PCDH7: variants seen among roughly 807,000 people sequenced by gnomAD.
PCDH7 encodes protocadherin 7.
A neutral mutation model predicts 58.9 loss-of-function variants in PCDH7; 17 were observed. That is an observed-to-expected ratio of 0.29 (90% CI 0.20 to 0.43). The LOEUF is 0.43. Among genes scored for constraint, PCDH7 ranks in the 20% least tolerant of loss-of-function variants. The pLI is 1.00. For missense variants in PCDH7, 1,274 were observed against 1,441.0 expected, an observed-to-expected ratio of 0.88 and a Z score of 1.88; for synonymous variants, 664 against 616.4, an observed-to-expected ratio of 1.08 and a Z score of -1.14.
Position 30,721,970 on chromosome 4 carries a change from T to G in PCDH7, c.548T>G (p.Leu183Arg). The G allele has an allele frequency of 4.3e-6, 6 of 1,407,150 alleles. No individual in the cohort carries two copies. The highest frequency in any genetic ancestry group is 2.9e-5 in the Admixed American group (1 of 34,716). The allele number at this position is 1,407,150 out of a possible 1,614,324, so 87.2% of individuals were successfully genotyped here. A position where few individuals can be genotyped will look rare whatever the true frequency, so the allele number is the denominator to read the frequency against. ...AACGGCATCGAGCGCTACGAGCTGC[T>G]CCAGGAGCCCGGAGGCGGCGGCAGC... is the stretch of plus-strand genomic sequence containing the variant. Residue 183 changes from leucine (L) to arginine (R), a missense_variant, in exon 1 of 2, where the codon CTC (leucine) becomes CGC (arginine). By Grantham distance (102) the Leu-to-Arg change is moderately radical. Around this residue, in one of 3 missense-constraint regions of PCDH7, gnomAD observed 331 missense variants for 303.2 expected, o/e 1.09. Coordinates refer to ENST00000361762, the Ensembl canonical transcript of PCDH7. The surrounding 1 kb of genome is among the most constrained non-coding windows in gnomAD (Gnocchi z 6.7).
chr4:30,905,989 A>C (rs1740869878), intron 1 of PCDH7, among the ~76,000 whole-genome samples: 1 of 152,202 alleles, frequency 6.6e-6, no homozygotes, highest in African/African-American at 2.4e-5. Context: ...ACATATTCCA[A>C]GGAACTTATC....
chr4:31,004,407 T>C (rs1450688633), intron 3 of PCDH7, among the ~76,000 whole-genome samples: 1 of 152,056 alleles, frequency 6.6e-6, no homozygotes, highest in African/African-American at 2.4e-5. Flanking sequence ...GGAGTGAGAC[T>C]GATCAATAAG....
chr4:30,915,680 C>T (rs535830755), intron 1 of PCDH7, among the ~76,000 whole-genome samples: 5 of 152,188 alleles, frequency 3.3e-5, no homozygotes, highest in East Asian at 3.9e-4. Context: ...TGTACCACCA[C>T]GTCCAGCTAA....
rs1474923259 is a variant in PCDH7 at position 30,723,185 on chromosome 4, C to T, written c.1763C>T (p.Ser588Phe). ...GGGATCTTTGCCATCGATCCCGATT[C>T]TGGGGACATCCTGGTCAATACCGTG... is the stretch of plus-strand genomic sequence containing the variant. Residue 588 changes from serine (S) to phenylalanine (F), a missense_variant, in exon 1 of 2, where the codon TCT becomes TTT. Ser to Phe is a radical substitution (Grantham distance 155, BLOSUM62 -2). Coordinates refer to ENST00000361762, the Ensembl canonical transcript of PCDH7. The surrounding 1 kb of genome is among the most constrained non-coding windows in gnomAD (Gnocchi z 4.6). 6.2e-7 allele frequency: 1 copy of T among 1,614,008 alleles called. No homozygotes were observed. The highest frequency in any genetic ancestry group is 2.2e-5 in the East Asian group (1 of 44,876).
At chr4:30,779,912 T>C (rs1235787665) in intron 1 of PCDH7, among the ~76,000 whole-genome samples, 1 of 152,188 alleles carries the variant, frequency 6.6e-6, no homozygotes, top group Non-Finnish European at 1.5e-5. Context: ...TAGCATCTAG[T>C]CTCTGTTTCT....
intron 3 of PCDH7, among the ~76,000 whole-genome samples, chr4:31,101,881 A>G (rs1285198989): frequency 6.6e-6 from 1 of 152,190 alleles, no homozygotes; most frequent in Non-Finnish European, 1.5e-5. Context: ...ATATGGATGA[A>G]CCAAGCATAA....
intron 1 of PCDH7, among the ~76,000 whole-genome samples, chr4:30,828,245 AG>A (rs1729343079): frequency 7.1e-6 from 1 of 139,864 alleles, no homozygotes; most frequent in Non-Finnish European, 1.5e-5. Flanking sequence ...CCCTTAGTAA[AG>A]GAAAAAAAAA....
At chr4:30,764,472 A>G (rs7678373) in intron 1 of PCDH7, among the ~76,000 whole-genome samples, 2,145 of 152,152 alleles carry the variant, frequency 0.014, 47 homozygotes, top group African/African-American at 0.049. Flanking sequence ...TTATCCCAAG[A>G]TATTTATTTA....
chr4:30,945,272 A>G (rs765731944), intron 2 of PCDH7, among the ~76,000 whole-genome samples: 1 of 152,068 alleles, frequency 6.6e-6, no homozygotes, highest in Non-Finnish European at 1.5e-5. Flanking sequence ...CATGTATATT[A>G]TCTCAAATCC....
chr4:30,764,938 C>T (rs1421352269), intron 1 of PCDH7, among the ~76,000 whole-genome samples: 1 of 151,924 alleles, frequency 6.6e-6, no homozygotes, highest in Non-Finnish European at 1.5e-5. Context: ...TCAGGATGGT[C>T]TCTATCTCCT....
chr4:31,021,125 A>C (rs1753986029), intron 3 of PCDH7, among the ~76,000 whole-genome samples: 1 of 152,238 alleles, frequency 6.6e-6, no homozygotes. Context: ...ATGGGAAAAG[A>C]AAACATAAGT....
intron 3 of PCDH7, among the ~76,000 whole-genome samples, chr4:30,978,120 C>G (rs192183291): frequency 6.6e-6 from 1 of 152,106 alleles, no homozygotes; most frequent in African/African-American, 2.4e-5. Context: ...GAGGAACATT[C>G]TGTTAAAAAT....
At chr4:30,953,742 T>G (rs1747580375) in intron 3 of PCDH7, among the ~76,000 whole-genome samples, 1 of 152,158 alleles carries the variant, frequency 6.6e-6, no homozygotes, top group Admixed American at 6.5e-5. Context: ...TTTTACTTTG[T>G]AATTTAATAC....
intron 1 of PCDH7, among the ~76,000 whole-genome samples, chr4:30,818,606 T>C (rs970605409): frequency 2.0e-5 from 3 of 152,206 alleles, no homozygotes; most frequent in African/African-American, 7.2e-5. Context: ...CCCTCAGATT[T>C]GCTCCATAGA....
chr4:31,092,564 T>A (rs1308904393), intron 3 of PCDH7, among the ~76,000 whole-genome samples: 2 of 152,012 alleles, frequency 1.3e-5, no homozygotes, highest in Non-Finnish European at 1.5e-5. Flanking sequence ...TAAAGACCTT[T>A]TTGCTGGAAA....
intron 3 of PCDH7, among the ~76,000 whole-genome samples, chr4:31,126,126 CT>C (rs555596051): frequency 0.051 from 6,558 of 128,298 alleles, 188 homozygotes; most frequent in African/African-American, 0.11. Context: ...CATATCCTTT[CT>C]TTTTTTTTTT....
downstream of PCDH7, among the ~76,000 whole-genome samples, chr4:30,736,055 C>T (rs572934731): frequency 1.3e-5 from 2 of 152,246 alleles, no homozygotes; most frequent in East Asian, 3.9e-4. Context: ...TGCGTGGCAC[C>T]ATACCCGACT....
At chr4:30,960,203 G>A (rs1011437055) in intron 3 of PCDH7, among the ~76,000 whole-genome samples, 24 of 148,840 alleles carry the variant, frequency 1.6e-4, no homozygotes, top group African/African-American at 5.8e-4. Context: ...ATTTATAAAA[G>A]GATCAGTCCC....
chr4:30,953,375 A>T (rs2109450331), intron 3 of PCDH7, among the ~76,000 whole-genome samples: 1 of 152,098 alleles, frequency 6.6e-6, no homozygotes, highest in Middle Eastern at 3.4e-3. Flanking sequence ...TTTTTGGTTT[A>T]TAGCCCCAGT....
Sources: gnomAD v4.1 joint callset for allele counts (sites outside exome capture counted in the v4.1 genomes callset) on GRCh38, gnomAD v4.1.1 for gene constraint, gnomAD v4.1.1 regional missense constraint, Gnocchi (gnomAD v3.1) non-coding constraint, MANE v1.5 for transcripts, NCBI Gene and HGNC (gene_info 2026-07-23, HGNC 2026-07-21) for gene names.